Variants in MARCHF10 observed in about 807,000 individuals in gnomAD.
The protein encoded by MARCHF10 is membrane associated ring-CH-type finger 10, also known as probable E3 ubiquitin-protein ligase MARCHF10.
MARCHF10 carries 64 observed loss-of-function variants against 76.2 expected under a neutral mutation model. That is an observed-to-expected ratio of 0.84 (90% CI 0.69 to 1.03). The LOEUF (loss-of-function observed/expected upper bound fraction) is 1.03. Among genes scored for constraint, MARCHF10 ranks in the 50% least tolerant of loss-of-function variants. The pLI, the probability that MARCHF10 is intolerant of heterozygous loss-of-function variation, is 0.00. For synonymous variants in MARCHF10, 340 were observed against 357.5 expected (o/e 0.95, Z 0.55); for missense variants, 875 against 958.0 (o/e 0.91, Z 1.14).
chr17:62,723,594 C>T (rs1057159839), intron 7 of MARCHF10, among the ~76,000 whole-genome samples: 5 of 84,352 alleles, frequency 5.9e-5, no homozygotes, highest in East Asian at 3.9e-4. Flanking sequence ...CATTCAGTAA[C>T]GCTTTAGGCT....
intron 10 of MARCHF10, among the ~76,000 whole-genome samples, chr17:62,703,594 G>C (rs1189555624): frequency 2.6e-5 from 4 of 152,228 alleles, no homozygotes; most frequent in Non-Finnish European, 4.4e-5. Flanking sequence ...AGATGGCCTG[G>C]GCCTCCAGGG....
intron 2 of MARCHF10, among the ~76,000 whole-genome samples, chr17:62,796,795 C>G (rs1365315863): frequency 6.6e-6 from 1 of 152,148 alleles, no homozygotes; most frequent in African/African-American, 2.4e-5. Context: ...TCGATACCAG[C>G]CTGGCCAACA....
At chr17:62,763,944 G>T (rs866368311) in intron 3 of MARCHF10, among the ~76,000 whole-genome samples, 1 of 152,128 alleles carries the variant, frequency 6.6e-6, no homozygotes, top group Admixed American at 6.6e-5. Context: ...ACTCTGCCCA[G>T]GGCTACGCGC....
At chr17:62,748,719 T>C (rs757725781) in intron 4 of MARCHF10, among the ~76,000 whole-genome samples, 1 of 152,224 alleles carries the variant, frequency 6.6e-6, no homozygotes, top group Non-Finnish European at 1.5e-5. Context: ...CACTCCAGCC[T>C]GGGCAAGAGC....
At chr17:62,752,113 A>G (rs115818422) in intron 4 of MARCHF10, among the ~76,000 whole-genome samples, 1,648 of 152,120 alleles carry the variant, frequency 0.011, 40 homozygotes, top group African/African-American at 0.038. Flanking sequence ...ATTCGAGTAA[A>G]TATTATCCAC....
At chr17:62,755,989 C>T (rs1218015127) in intron 4 of MARCHF10, among the ~76,000 whole-genome samples, 1 of 152,064 alleles carries the variant, frequency 6.6e-6, no homozygotes, top group Non-Finnish European at 1.5e-5. Flanking sequence ...TGGCTCATGC[C>T]TGTAACCCCA....
At chr17:62,714,374 T>C (rs2090084199) in intron 8 of MARCHF10, 1 of 984,676 alleles carries the variant, frequency 1.0e-6, no homozygotes, top group South Asian at 4.7e-5. Flanking sequence ...TCTGCCTGTT[T>C]CCTCAAAGCA....
chr17:62,722,277 CA>C (rs57370093), intron 8 of MARCHF10, among the ~76,000 whole-genome samples: 18,574 of 79,168 alleles, frequency 0.23, 642 homozygotes, highest in Non-Finnish European at 0.28. Flanking sequence ...GACTCTGTCT[CA>C]AAAAAAAAAA....
Position 62,725,085 on chromosome 17 carries a change from C to T in MARCHF10, c.1957G>A (p.Glu653Lys), listed in dbSNP as rs781061959. The change falls in exon 7 of 11, where the codon GAG becomes AAG. Residue 653 changes from glutamate (E) to lysine (K), a missense_variant. Glu to Lys is a moderately conservative substitution (Grantham distance 56). Transcript: ENST00000311269. ...ATGCGACACAAGTCTCCCTCCTCCT[C>T]GGAGTCCTCCTCCAGGAGACTAAAT... ...LQESLLEEDS[E>K]EEGDLCRICQ... 1.7e-5 allele frequency: 27 copies of T among 1,599,596 alleles called. No homozygotes were observed. The East Asian group carries it at 3.4e-4, about 20-fold the overall frequency.
At chr17:62,772,671 G>T (rs1002883580) in intron 3 of MARCHF10, among the ~76,000 whole-genome samples, 7 of 152,088 alleles carry the variant, frequency 4.6e-5, no homozygotes, top group African/African-American at 1.7e-4. Flanking sequence ...AAGAAACAGA[G>T]TTTCTTGGGG....
intron 4 of MARCHF10, among the ~76,000 whole-genome samples, chr17:62,751,451 G>C (rs1416092429): frequency 1.3e-5 from 2 of 152,082 alleles, no homozygotes; most frequent in African/African-American, 4.8e-5. Flanking sequence ...AAGAGCCCCA[G>C]GTGTTTCTCA....
At chr17:62,729,856 G>A (rs1168060506) in intron 6 of MARCHF10, among the ~76,000 whole-genome samples, 1 of 149,260 alleles carries the variant, frequency 6.7e-6, no homozygotes, top group Non-Finnish European at 1.5e-5. Flanking sequence ...TTAATGGCAT[G>A]AGCCACCATG....
At chr17:62,800,679 C>G (rs1337176999) in intron 2 of MARCHF10, among the ~76,000 whole-genome samples, 2 of 152,162 alleles carry the variant, frequency 1.3e-5, no homozygotes, top group Non-Finnish European at 2.9e-5. Flanking sequence ...ATCCTCAGCC[C>G]AGGCTGAGGA....
At chr17:62,783,815 T>C (rs969346311) in intron 3 of MARCHF10, among the ~76,000 whole-genome samples, 1 of 152,052 alleles carries the variant, frequency 6.6e-6, no homozygotes, top group Non-Finnish European at 1.5e-5. Context: ...CCTCCCAAGA[T>C]TAAACCAGGA....
rs143755854 is a variant in MARCHF10 at position 62,716,993 on chromosome 17, C to T, written c.2214+5495G>A. On this transcript the variant is annotated intron_variant, in intron 8 of 10. Coordinates refer to ENST00000311269, the MANE Select transcript of MARCHF10 (RefSeq NM_152598.4). ...GGCACAGGTGTCCATGTCACCTCCA[C>T]GGCCAGGCTGGTGGCCTCCTCAGCT... Among the ~76,000 whole-genome samples, 327 of 152,370 alleles carry T rather than the reference C, an allele frequency of 2.1e-3. 1 individual carries two copies. Among genetic ancestry groups the T allele is most frequent in the African/African-American group, 7.3e-3 (304 of 41,582 alleles).
intron 2 of MARCHF10, among the ~76,000 whole-genome samples, chr17:62,791,659 G>C (rs756521602): frequency 9.9e-5 from 15 of 152,276 alleles, no homozygotes; most frequent in Middle Eastern, 6.8e-3. Context: ...AATCAAACAT[G>C]AATCCTCTCA....
At chr17:62,776,251 T>A (rs1395834443) in intron 3 of MARCHF10, among the ~76,000 whole-genome samples, 1 of 152,222 alleles carries the variant, frequency 6.6e-6, no homozygotes, top group African/African-American at 2.4e-5. Flanking sequence ...ATGTCTGCGC[T>A]GCTAAGACCA....
intron 6 of MARCHF10, among the ~76,000 whole-genome samples, chr17:62,727,378 G>C (rs889437480): frequency 1.3e-5 from 2 of 152,102 alleles, no homozygotes; most frequent in Non-Finnish European, 2.9e-5. Flanking sequence ...CTTGTTAATA[G>C]TTGAGTCTGG....
intron 3 of MARCHF10, among the ~76,000 whole-genome samples, chr17:62,762,994 G>C (rs560347301): frequency 6.6e-6 from 1 of 152,298 alleles, no homozygotes; most frequent in East Asian, 1.9e-4. Context: ...CTTGCACATA[G>C]TAATTGTGTG....
Sources: allele counts gnomAD v4.1 joint callset (sites outside exome capture counted in the v4.1 genomes callset), GRCh38; gene constraint gnomAD v4.1.1; transcripts MANE v1.5; gene names NCBI Gene and HGNC (gene_info 2026-07-23, HGNC 2026-07-21).